The following RALY variants were observed in gnomAD, a reference collection of about 807,000 sequenced individuals.
The protein encoded by RALY is RALY heterogeneous nuclear ribonucleoprotein.
Under a neutral mutation model 30.7 loss-of-function variants are expected in RALY, and 15 were observed. The observed-to-expected ratio is 0.49, with a 90% CI of 0.33 to 0.75. RALY has a LOEUF of 0.75. Among genes scored for constraint, RALY ranks in the 30% least tolerant of loss-of-function variants. The pLI, the probability that RALY is intolerant of heterozygous loss-of-function variation, is 0.02. For synonymous variants in RALY, 177 were observed against 170.8 expected (o/e 1.04, Z -0.28); for missense variants, 339 against 414.3 (o/e 0.82, Z 1.58).
At chr20:34,003,893 C>T (rs1171314898) in intron 1 of RALY, among the ~76,000 whole-genome samples, 1 of 152,182 alleles carries the variant, frequency 6.6e-6, no homozygotes, top group East Asian at 1.9e-4. Flanking sequence ...CCCGCCTCCG[C>T]CTCCCAAAGT....
At chr20:34,034,876 G>T (rs546700240) in intron 2 of RALY, among the ~76,000 whole-genome samples, 1 of 152,238 alleles carries the variant, frequency 6.6e-6, no homozygotes, top group Admixed American at 6.5e-5. Context: ...GTCTGGGCCG[G>T]GTGCGGTGGC....
At chr20:34,066,603 C>T (rs1040219164) in intron 2 of RALY, among the ~76,000 whole-genome samples, 1 of 152,000 alleles carries the variant, frequency 6.6e-6, no homozygotes, top group African/African-American at 2.4e-5. Flanking sequence ...GTAGCCTAGG[C>T]TGGTCTCCAA....
intron 2 of RALY, among the ~76,000 whole-genome samples, chr20:34,056,721 T>G (rs2033256241): frequency 6.6e-6 from 1 of 152,192 alleles, no homozygotes; most frequent in East Asian, 1.9e-4. Flanking sequence ...GGATTTGATT[T>G]TCCCTACTAA....
rs560593985 is a variant in RALY at position 34,012,495 on chromosome 20, C to G, written c.-93+18364C>G. Among the ~76,000 whole-genome samples the G allele has an allele frequency of 8.5e-5, 13 of 152,184 alleles. No homozygotes were observed. In the South Asian group the frequency reaches 2.7e-3, roughly 32 times the overall value. ...CCTCCGCCTCCTTTCTTTTTGAGCC[C>G]TACTTACCCTTTCTTCTGCATCCTC... On this transcript the variant is annotated intron_variant, in intron 1 of 9. Coordinates refer to ENST00000246194, the MANE Select transcript of RALY (RefSeq NM_016732.3).
chr20:34,029,362 G>A (rs936189042), intron 1 of RALY, among the ~76,000 whole-genome samples: 1 of 151,828 alleles, frequency 6.6e-6, no homozygotes, highest in African/African-American at 2.4e-5. Flanking sequence ...GCTTGAACCC[G>A]GGGGGCCGGG....
At chr20:34,058,145 G>A (rs978885835) in intron 2 of RALY, among the ~76,000 whole-genome samples, 4 of 152,142 alleles carry the variant, frequency 2.6e-5, no homozygotes, top group Non-Finnish European at 5.9e-5. Context: ...AAAGACCATA[G>A]ATACCAAAGC....
chr20:34,002,776 C>T (rs2030977535), intron 1 of RALY, among the ~76,000 whole-genome samples: 1 of 152,204 alleles, frequency 6.6e-6, no homozygotes, highest in South Asian at 2.1e-4. Context: ...TCTGGACACC[C>T]ACACAGTTCT....
intron 9 of RALY, 108 bp from the exon 10 acceptor site, chr20:34,079,802 T>C (rs1452751614): frequency 6.6e-6 from 1 of 152,204 alleles, no homozygotes; most frequent in Non-Finnish European, 1.5e-5. Context: ...TGCAAGAATC[T>C]CTCTGTCTCC....
chr20:34,062,497 G>A (rs2033446704), intron 2 of RALY, among the ~76,000 whole-genome samples: 1 of 152,178 alleles, frequency 6.6e-6, no homozygotes, highest in African/African-American at 2.4e-5. Flanking sequence ...GGGTAGAAGG[G>A]GCCTGCTCAC....
At chr20:34,026,927 C>A (rs1038069775) in intron 1 of RALY, among the ~76,000 whole-genome samples, 22 of 152,110 alleles carry the variant, frequency 1.4e-4, no homozygotes, top group Non-Finnish European at 2.9e-5. Flanking sequence ...AGTTGCCGGG[C>A]AGGTTTTGTT....
chr20:34,012,135 A>G (rs1053872411), intron 1 of RALY, among the ~76,000 whole-genome samples: 12 of 151,296 alleles, frequency 7.9e-5, no homozygotes, highest in African/African-American at 2.7e-4. Context: ...CAAACTCCTG[A>G]CCTTTGTTTG....
rs758404414 is a variant in RALY, at chr20:34,072,204, A to G, written c.130A>G (p.Lys44Glu). 6.2e-7 allele frequency: 1 copy of G among 1,614,204 alleles called. No individual in the cohort carries two copies. The highest frequency in any genetic ancestry group is 8.5e-7 in the Non-Finnish European group (1 of 1,180,038). Residue 44 changes from lysine (K) to glutamate (E), a missense_variant, in exon 3 of 10, where the codon AAG (lysine) becomes GAG (glutamate). Lys to Glu is a moderately conservative substitution (Grantham distance 56). Transcript: ENST00000246194. ...KKSDVETIFS[K>E]YGRVAGCSVH... The stretch of plus-strand genomic sequence containing the variant: ...ATCAGATGTGGAGACCATCTTCTCT[A>G]AGTATGGCCGTGTGGCCGGCTGTTC...
At chr20:34,015,704 A>C (rs1463966502) in intron 1 of RALY, among the ~76,000 whole-genome samples, 1 of 152,102 alleles carries the variant, frequency 6.6e-6, no homozygotes, top group African/African-American at 2.4e-5. Flanking sequence ...CTTGAGTGGT[A>C]GGAGCCTTCA....
At chr20:34,006,074 G>T (rs556454201) in intron 1 of RALY, among the ~76,000 whole-genome samples, 1 of 152,330 alleles carries the variant, frequency 6.6e-6, no homozygotes, top group South Asian at 2.1e-4. Flanking sequence ...ATATGCCGTG[G>T]TCACGCTGCT....
chr20:34,061,340 A>T (rs1026536564), intron 2 of RALY, among the ~76,000 whole-genome samples: 1 of 152,220 alleles, frequency 6.6e-6, no homozygotes, highest in African/African-American at 2.4e-5. Context: ...AAGGAAAAAA[A>T]TTGGATAGTT....
intron 2 of RALY, among the ~76,000 whole-genome samples, chr20:34,045,293 A>T (rs1355029566): frequency 6.6e-6 from 1 of 152,242 alleles, no homozygotes; most frequent in Non-Finnish European, 1.5e-5. Flanking sequence ...ATGAAGAAAG[A>T]TAAGCAGGAG....
At chr20:34,061,428 G>C (rs1194263581) in intron 2 of RALY, among the ~76,000 whole-genome samples, 2 of 152,192 alleles carry the variant, frequency 1.3e-5, no homozygotes, top group African/African-American at 2.4e-5. Flanking sequence ...TAAACTTCAT[G>C]TTTTCTTTGC....
intron 2 of RALY, among the ~76,000 whole-genome samples, chr20:34,039,323 A>T (rs1377396386): frequency 6.6e-6 from 1 of 152,250 alleles, no homozygotes; most frequent in African/African-American, 2.4e-5. Context: ...TTGGAAACTG[A>T]GTAGCTAGCA....
At chr20:33,994,492 G>C (rs1568642400) in intron 1 of RALY, 1 of 152,392 alleles carries the variant, frequency 6.6e-6, no homozygotes, top group African/African-American at 2.4e-5. Context: ...AGGGGCGGAG[G>C]GAGGGGAACG....
Sources: allele counts gnomAD v4.1 joint callset (sites outside exome capture counted in the v4.1 genomes callset), GRCh38; gene constraint gnomAD v4.1.1; transcripts MANE v1.5; gene names NCBI Gene and HGNC (gene_info 2026-07-23, HGNC 2026-07-21).